The following ZFAND3 variants were observed in gnomAD, a reference collection of about 807,000 sequenced individuals.
The protein encoded by ZFAND3 is zinc finger AN1-type containing 3, also known as AN1-type zinc finger protein 3.
ZFAND3 carries 10 observed loss-of-function variants against 29.6 expected under a neutral mutation model. The observed-to-expected ratio is 0.34, with a 90% CI of 0.21 to 0.57. ZFAND3 has a LOEUF of 0.57. Among genes scored for constraint, ZFAND3 ranks in the 20% least tolerant of loss-of-function variants. The pLI, the probability that ZFAND3 is intolerant of heterozygous loss-of-function variation, is 0.86. For missense variants in ZFAND3, 230 were observed against 304.5 expected (o/e 0.76, Z 1.82); for synonymous variants, 128 against 112.6 (o/e 1.14, Z -0.87).
intron 1 of ZFAND3, among the ~76,000 whole-genome samples, chr6:37,877,177 A>G (rs1049900143): frequency 5.9e-5 from 9 of 152,212 alleles, no homozygotes; most frequent in Non-Finnish European, 1.3e-4. Context: ...TATCCTGATT[A>G]TGGACAAATC....
intron 2 of ZFAND3, among the ~76,000 whole-genome samples, chr6:38,044,617 G>A (rs1452839942): frequency 6.6e-6 from 1 of 152,128 alleles, no homozygotes; most frequent in Non-Finnish European, 1.5e-5. Flanking sequence ...TCTAACTATC[G>A]AATTGATAAA....
At chr6:38,024,541 C>T (rs1043332981) in intron 2 of ZFAND3, among the ~76,000 whole-genome samples, 1 of 151,638 alleles carries the variant, frequency 6.6e-6, no homozygotes, top group Non-Finnish European at 1.5e-5. Context: ...CAGTAGGTGG[C>T]AGGCAGCAGC....
At chr6:38,133,135 G>C (rs1408676869) in intron 5 of ZFAND3, among the ~76,000 whole-genome samples, 1 of 152,170 alleles carries the variant, frequency 6.6e-6, no homozygotes, top group African/African-American at 2.4e-5. Flanking sequence ...CCCTGAGACA[G>C]CTCAACAGTC....
At chr6:38,096,799 C>G (rs1285917415) in intron 4 of ZFAND3, among the ~76,000 whole-genome samples, 2 of 152,054 alleles carry the variant, frequency 1.3e-5, no homozygotes, top group Non-Finnish European at 2.9e-5. Flanking sequence ...TTTCAACAAT[C>G]ATACTTTGAG....
intron 5 of ZFAND3, among the ~76,000 whole-genome samples, chr6:38,136,614 G>T (rs1247198521): frequency 6.6e-6 from 1 of 152,204 alleles, no homozygotes; most frequent in Admixed American, 6.5e-5. Context: ...CACAGGGTGG[G>T]AGGTGGCAGG....
At position 38,152,812 on chromosome 6, in the gene ZFAND3, C is replaced by G. The variant is rs1292734875; in HGVS notation, c.*423C>G. ...TTTGCCAGAAACTCTGTTTAATGATCGGCCTTTCACCTCTTCACTTATCCT... is the reference window on the plus strand; with the variant it reads ...TTTGCCAGAAACTCTGTTTAATGATGGGCCTTTCACCTCTTCACTTATCCT... On this transcript the variant is annotated 3_prime_UTR_variant, in exon 6 of 6. Coordinates refer to ENST00000287218, the MANE Select transcript of ZFAND3 (RefSeq NM_021943.3). 1.0e-6 allele frequency: 1 copy of G among 987,200 alleles called. No individual in the cohort carries two copies. The highest frequency in any genetic ancestry group is 4.7e-5 in the South Asian group (1 of 21,326). The allele number at this position is 987,200 out of a possible 1,614,324, so 61.2% of individuals were successfully genotyped here.
chr6:38,027,206 A>T (rs1763468067), intron 2 of ZFAND3, among the ~76,000 whole-genome samples: 1 of 152,120 alleles, frequency 6.6e-6, no homozygotes, highest in East Asian at 1.9e-4. Flanking sequence ...GATGATAGTG[A>T]TTTTCTTGCG....
chr6:38,137,499 T>G (rs1434807106), intron 5 of ZFAND3, among the ~76,000 whole-genome samples: 1 of 152,284 alleles, frequency 6.6e-6, no homozygotes, highest in Non-Finnish European at 1.5e-5. Flanking sequence ...TTATTCATTC[T>G]GTTCATCTTT....
intron 2 of ZFAND3, among the ~76,000 whole-genome samples, chr6:38,031,840 C>G (rs1244299192): frequency 6.6e-6 from 1 of 150,786 alleles, no homozygotes; most frequent in African/African-American, 2.5e-5. Flanking sequence ...CCCTCCCCCC[C>G]CGCCCCACGC....
chr6:37,936,901 T>C (rs1041796529), intron 2 of ZFAND3, among the ~76,000 whole-genome samples: 2 of 152,234 alleles, frequency 1.3e-5, no homozygotes, highest in African/African-American at 4.8e-5. Context: ...ATAACAATGC[T>C]GGGCGCAGGG....
intron 1 of ZFAND3, among the ~76,000 whole-genome samples, chr6:37,875,080 T>G (rs1764767515): frequency 6.6e-6 from 1 of 152,208 alleles, no homozygotes; most frequent in Non-Finnish European, 1.5e-5. Context: ...ACAATAATCA[T>G]TTTCATTTTT....
intron 1 of ZFAND3, among the ~76,000 whole-genome samples, chr6:37,896,596 CTT>C (rs1205567141): frequency 8.2e-6 from 1 of 122,650 alleles, no homozygotes. Flanking sequence ...TTCTCTTTTT[CTT>C]TCTCTCTCTC....
rs1766267867 is a variant in ZFAND3 at position 38,153,072 on chromosome 6, T to C, written c.*683T>C. 4 of 985,400 alleles carry C rather than the reference T, an allele frequency of 4.1e-6. No homozygotes were observed. The highest frequency in any genetic ancestry group is 4.8e-6 in the Non-Finnish European group (4 of 829,898). The allele number at this position is 985,400 out of a possible 1,614,324, so 61.0% of individuals were successfully genotyped here. A position where few individuals can be genotyped will look rare whatever the true frequency, so the allele number is the denominator to read the frequency against. On this transcript the variant is annotated 3_prime_UTR_variant, in exon 6 of 6. Coordinates refer to ENST00000287218, the MANE Select transcript of ZFAND3 (RefSeq NM_021943.3). The stretch of plus-strand genomic sequence containing the variant: ...GAAAATTAGCTCCACTCAAGACTAG[T>C]CCACGAACGAGACCCGCCTTTTCTA...
At chr6:38,114,703 T>TCA (rs757315980) in intron 4 of ZFAND3, among the ~76,000 whole-genome samples, 1 of 152,036 alleles carries the variant, frequency 6.6e-6, no homozygotes, top group South Asian at 2.1e-4. Context: ...AGCATCTTCC[T>TCA]CACACACAGG....
chr6:38,066,703 A>G (rs749455126), intron 3 of ZFAND3, among the ~76,000 whole-genome samples: 10 of 152,334 alleles, frequency 6.6e-5, no homozygotes, highest in South Asian at 2.1e-4. Flanking sequence ...AACTTGAACT[A>G]TGAACATATC....
chr6:37,858,443 G>A (rs982335514), intron 1 of ZFAND3, among the ~76,000 whole-genome samples: 3 of 152,216 alleles, frequency 2.0e-5, no homozygotes, highest in East Asian at 3.8e-4. Flanking sequence ...TTGAAAACTA[G>A]CATTGGAGTA....
intron 1 of ZFAND3, among the ~76,000 whole-genome samples, chr6:37,896,514 TTTTCTTTCTTTCTTTCTTTCTTTC>T (rs58666227): frequency 1.4e-4 from 15 of 109,178 alleles, no homozygotes; most frequent in East Asian, 5.4e-4. Context: ...TTCCTCTTTC[TTTTCTTTCTTTCTTTCTTTCTTTC>T]TTTCTTTCTT....
intron 2 of ZFAND3, among the ~76,000 whole-genome samples, chr6:38,045,054 T>TTTTATTTATTTA (rs3047087): frequency 0.037 from 4,952 of 134,750 alleles, 136 homozygotes; most frequent in Non-Finnish European, 0.044. Context: ...GTGGAAATTC[T>TTTTATTTATTTA]TTTATTTATT....
At chr6:38,123,531 T>C (rs964869437) in intron 5 of ZFAND3, among the ~76,000 whole-genome samples, 6 of 152,282 alleles carry the variant, frequency 3.9e-5, no homozygotes, top group African/African-American at 1.4e-4. Flanking sequence ...GAGAAACACC[T>C]GAGATCTTTT....
Sources: allele counts gnomAD v4.1 joint callset (sites outside exome capture counted in the v4.1 genomes callset), GRCh38; gene constraint gnomAD v4.1.1; transcripts MANE v1.5; gene names NCBI Gene and HGNC (gene_info 2026-07-23, HGNC 2026-07-21).